LARGE1: variants seen among roughly 807,000 people sequenced by gnomAD.
LARGE1 encodes the protein LARGE xylosyl- and glucuronyltransferase 1.
Under a neutral mutation model 87.6 loss-of-function variants are expected in LARGE1, and 43 were observed. That is an observed-to-expected ratio of 0.49 (90% CI 0.38 to 0.63). The LOEUF (loss-of-function observed/expected upper bound fraction) is 0.63, where lower values mean the gene tolerates loss of function less well. Ranked by LOEUF, LARGE1 falls within the 30% of genes least tolerant of loss-of-function variation. The pLI, the probability that LARGE1 is intolerant of heterozygous loss-of-function variation, is 0.00. For missense variants in LARGE1, 802 were observed against 1,000.2 expected (o/e 0.80, Z 2.67); for synonymous variants, 434 against 394.6 (o/e 1.10, Z -1.18).
chr22:33,848,055 T>C (rs1048551827), intron 1 of LARGE1, among the ~76,000 whole-genome samples: 2 of 152,202 alleles, frequency 1.3e-5, no homozygotes, highest in African/African-American at 2.4e-5. Flanking sequence ...TAGGAGCTTA[T>C]TGTGCGAAAA....
At chr22:33,429,449 C>G (rs1053040611) in intron 7 of LARGE1, among the ~76,000 whole-genome samples, 1 of 152,092 alleles carries the variant, frequency 6.6e-6, no homozygotes, top group South Asian at 2.1e-4. Flanking sequence ...TTTACGTGCT[C>G]CTGTGTCTCC....
chr22:33,838,028 A>T (rs1399583746), intron 1 of LARGE1, among the ~76,000 whole-genome samples: 1 of 152,250 alleles, frequency 6.6e-6, no homozygotes, highest in African/African-American at 2.4e-5. Context: ...AGATAAGAGG[A>T]AACAGGCATG....
intron 1 of LARGE1, among the ~76,000 whole-genome samples, chr22:33,898,669 G>A (rs1204690108): frequency 6.6e-6 from 1 of 152,194 alleles, no homozygotes; most frequent in African/African-American, 2.4e-5. Context: ...CAGAAGAATC[G>A]CTTGAACCCG....
At chr22:33,602,266 A>G (rs1367713737) in intron 5 of LARGE1, among the ~76,000 whole-genome samples, 3 of 152,084 alleles carry the variant, frequency 2.0e-5, no homozygotes, top group Non-Finnish European at 4.4e-5. Context: ...GTTTTTTCCC[A>G]ATCACTTTGT....
At chr22:33,648,455 C>T (rs2080688802) in intron 3 of LARGE1, among the ~76,000 whole-genome samples, 1 of 152,106 alleles carries the variant, frequency 6.6e-6, no homozygotes, top group Non-Finnish European at 1.5e-5. Context: ...AAAATTTGCT[C>T]GTTTTGGGCC....
intron 3 of LARGE1, among the ~76,000 whole-genome samples, chr22:33,637,586 C>T (rs1012750651): frequency 4.1e-5 from 5 of 122,096 alleles, no homozygotes; most frequent in African/African-American, 1.4e-4. Context: ...TTATAAAAGT[C>T]GTTGTAGCTT....
At chr22:33,817,488 C>G (rs959209888) in intron 1 of LARGE1, among the ~76,000 whole-genome samples, 1 of 152,150 alleles carries the variant, frequency 6.6e-6, no homozygotes, top group African/African-American at 2.4e-5. Context: ...GACCCCACAA[C>G]CTTCATGGCT....
intron 12 of LARGE1, among the ~76,000 whole-genome samples, chr22:33,301,072 C>T (rs1934077221): frequency 6.6e-6 from 1 of 152,066 alleles, no homozygotes; most frequent in East Asian, 1.9e-4. Context: ...TCATTGGAGT[C>T]CTCAGCTGCC....
At chr22:33,473,686 C>A (rs2068953416) in intron 6 of LARGE1, among the ~76,000 whole-genome samples, 1 of 152,194 alleles carries the variant, frequency 6.6e-6, no homozygotes, top group Non-Finnish European at 1.5e-5. Context: ...CTCAGGTGAT[C>A]CACCACCTTG....
At chr22:33,493,144 G>A (rs2069932861) in intron 6 of LARGE1, among the ~76,000 whole-genome samples, 1 of 147,764 alleles carries the variant, frequency 6.8e-6, no homozygotes, top group Admixed American at 6.7e-5. Flanking sequence ...AGCTCTACAA[G>A]CATGGTGGCC....
At chr22:33,114,038 T>G in the LARGE1 span, among the ~76,000 whole-genome samples, 2 of 139,496 alleles carry the variant, frequency 1.4e-5, no homozygotes, top group Non-Finnish European at 3.2e-5. Context: ...GCCCAGCTAA[T>G]TTTTCTATTT....
intron 13 of LARGE1, among the ~76,000 whole-genome samples, chr22:33,280,901 G>A (rs911698527): frequency 6.6e-6 from 1 of 152,204 alleles, no homozygotes; most frequent in South Asian, 2.1e-4. Context: ...GTCTGGGCTA[G>A]GCTTGAGCCT....
At chr22:33,827,617 T>C (rs1394962963) in intron 1 of LARGE1, among the ~76,000 whole-genome samples, 6 of 152,286 alleles carry the variant, frequency 3.9e-5, no homozygotes, top group South Asian at 4.1e-4. Context: ...TCGTGGCCAA[T>C]GCGGGAGCCA....
chr22:33,693,928 T>C (rs1250214995), intron 2 of LARGE1, among the ~76,000 whole-genome samples: 2 of 152,128 alleles, frequency 1.3e-5, no homozygotes, highest in Non-Finnish European at 1.5e-5. Context: ...TTTACATAAG[T>C]CTTAGGTTGC....
chr22:33,820,681 T>C lies in LARGE1; in HGVS notation c.-82-59123A>G, dbSNP rs61523321. Among the ~76,000 whole-genome samples, 793 of 152,146 alleles carry C rather than the reference T, an allele frequency of 5.2e-3. 2 individuals carry two copies. The highest frequency in any genetic ancestry group is 0.018 in the African/African-American group (766 of 41,506). On this transcript the variant is annotated intron_variant, in intron 1 of 14. Transcript: ENST00000397394. Reference sequence around the variant, plus strand: ...TATAGGATAAAATAAAGAAGAAAAATATTAATCACACAGCAATTATATTGC... The same window carrying C: ...TATAGGATAAAATAAAGAAGAAAAACATTAATCACACAGCAATTATATTGC...
At chr22:33,445,053 C>A (rs1308305178) in intron 6 of LARGE1, among the ~76,000 whole-genome samples, 1 of 152,178 alleles carries the variant, frequency 6.6e-6, no homozygotes, top group Non-Finnish European at 1.5e-5. Context: ...TGGTCTTGAA[C>A]TCCTGACCTC....
intron 11 of LARGE1, among the ~76,000 whole-genome samples, chr22:33,221,076 C>T (rs1409820085): frequency 2.0e-5 from 3 of 152,046 alleles, no homozygotes; most frequent in African/African-American, 7.3e-5. Flanking sequence ...CCAGACACAC[C>T]TGACGGCAAA....
chr22:33,169,453 T>C lies in LARGE1; in HGVS notation c.1731-2621A>G, dbSNP rs570251559. Among the ~76,000 whole-genome samples, 4 of 152,320 alleles carry C rather than the reference T, an allele frequency of 2.6e-5. No homozygotes were observed. The East Asian group carries it at 7.7e-4, about 29-fold the overall frequency. ...GACATGACTTTCAGGCTATAAATCA[T>C]ATATTTTCTTGTTTTAGTCAGCTAA... On this transcript the variant is annotated intron_variant, in intron 11 of 11. Coordinates refer to the LARGE1 transcript ENST00000608642.
At chr22:33,106,620 G>A in the LARGE1 span, among the ~76,000 whole-genome samples, 800 of 151,926 alleles carry the variant, frequency 5.3e-3, 6 homozygotes, top group Non-Finnish European at 9.3e-3. Context: ...CTCAGCCTCC[G>A]GAGTAGCTGG....
Sources: allele counts gnomAD v4.1 joint callset (sites outside exome capture counted in the v4.1 genomes callset), GRCh38; gene constraint gnomAD v4.1.1; transcripts MANE v1.5; gene names NCBI Gene and HGNC (gene_info 2026-07-23, HGNC 2026-07-21).